Variants in MGST3 observed in about 807,000 individuals in gnomAD.
MGST3 encodes the protein microsomal glutathione S-transferase 3.
A neutral mutation model predicts 15.8 loss-of-function variants in MGST3; 13 were observed. The observed-to-expected ratio is 0.82, with a 90% CI of 0.54 to 1.31. The LOEUF is 1.31. Among genes scored for constraint, MGST3 ranks in the 50% most tolerant of loss-of-function variants. The probability of loss-of-function intolerance (pLI) is 0.00; values close to 1 mark genes in which losing one functional copy is unlikely to be tolerated. For synonymous variants in MGST3, 49 were observed against 68.1 expected, an observed-to-expected ratio of 0.72 and a Z score of 1.38; for missense variants, 155 against 192.4, an observed-to-expected ratio of 0.81 and a Z score of 1.15.
intron 1 of MGST3, among the ~76,000 whole-genome samples, chr1:165,642,063 A>C (rs1331790923): frequency 6.6e-6 from 1 of 152,026 alleles, no homozygotes; most frequent in Non-Finnish European, 1.5e-5. Context: ...TTCCCTACCC[A>C]TTTATTTTGT....
intron 1 of MGST3, among the ~76,000 whole-genome samples, chr1:165,637,955 G>A (rs931476567): frequency 3.3e-5 from 5 of 152,186 alleles, no homozygotes; most frequent in South Asian, 2.1e-4. Context: ...ACCCACGGAC[G>A]TCAGAGCCCT....
chr1:165,654,342 T>C lies in MGST3; in HGVS notation c.313T>C (p.Tyr105His). ...ACGAGTTCTTTATGCTTATGGCTAT[T>C]ACACGGGAGGTTAGTATATATTGAC... Reference protein sequence around the residue: ...VGRVLYAYGYYTGEPSKRSRG... With the variant: ...VGRVLYAYGYHTGEPSKRSRG... Residue 105 changes from tyrosine (Y) to histidine (H), a missense_variant, in exon 5 of 6, where the codon TAC becomes CAC. Coordinates refer to ENST00000367889, the MANE Select transcript of MGST3 (RefSeq NM_004528.4). 4 of 1,614,084 alleles carry C rather than the reference T, an allele frequency of 2.5e-6. No individual in the cohort carries two copies. The highest frequency in any genetic ancestry group is 3.4e-6 in the Non-Finnish European group (4 of 1,179,914).
In MGST3 at chr1:165,655,462, G is replaced by A; in HGVS notation, c.417G>A (p.Trp139Ter). The A allele has an allele frequency of 1.2e-6, 2 of 1,614,008 alleles. No homozygotes were observed. Among genetic ancestry groups the A allele is most frequent in the East Asian group, 2.2e-5 (1 of 44,878 alleles). ...TVCSAFQHLG[W>*]VKSGLGSGPK... ...GCTCTGCTTTCCAGCATCTTGGTTGGGTTAAAAGTGGCTTGGGCAGTGGAC... is the reference window on the plus strand; with the variant it reads ...GCTCTGCTTTCCAGCATCTTGGTTGAGTTAAAAGTGGCTTGGGCAGTGGAC... The change falls in exon 6 of 6, where the codon TGG becomes TGA. Residue 139 changes from tryptophan to a stop codon, truncating the protein, a stop_gained. Coordinates refer to ENST00000367889, the MANE Select transcript of MGST3 (RefSeq NM_004528.4). LOFTEE classifies it high-confidence loss of function.
chr1:165,650,382 C>A, intron 2 of MGST3: 1 of 274,042 alleles, frequency 3.6e-6, no homozygotes, highest in Non-Finnish European at 7.1e-6. Context: ...TTGAGATTAG[C>A]CTGGACTTAG....
intron 3 of MGST3, 199 bp from the exon 4 acceptor site, chr1:165,651,779 C>T: frequency 2.0e-6 from 1 of 512,720 alleles, no homozygotes; most frequent in East Asian, 3.8e-5. Flanking sequence ...CCTGTAATCC[C>T]AGCTACTCAG....
chr1:165,644,053 T>TAA (rs61624530), intron 1 of MGST3, among the ~76,000 whole-genome samples: 16,534 of 136,502 alleles, frequency 0.12, 1,436 homozygotes, highest in African/African-American at 0.24. Context: ...GACCCTGTGT[T>TAA]AAAAAAAAAA....
chr1:165,632,715 CA>C (rs1382494998), intron 1 of MGST3, among the ~76,000 whole-genome samples: 1 of 151,914 alleles, frequency 6.6e-6, no homozygotes, highest in Non-Finnish European at 1.5e-5. Context: ...GATTAAGGAA[CA>C]AAACTGGAGA....
intron 1 of MGST3, among the ~76,000 whole-genome samples, chr1:165,637,303 G>C (rs755225698): frequency 1.3e-5 from 2 of 152,178 alleles, no homozygotes; most frequent in Non-Finnish European, 2.9e-5. Flanking sequence ...ATTTATTTGG[G>C]AGCAAAGAGA....
At chr1:165,653,892 C>G in intron 4 of MGST3, 1 of 300,424 alleles carries the variant, frequency 3.3e-6, no homozygotes, top group South Asian at 3.1e-5. Flanking sequence ...TTTGAGAAAA[C>G]GGCATTTCCC....
intron 3 of MGST3, 81 bp downstream of exon 3, chr1:165,651,168 G>A: frequency 8.4e-7 from 1 of 1,184,418 alleles, no homozygotes; most frequent in Non-Finnish European, 1.3e-6. Flanking sequence ...TTAGTGCGCT[G>A]TATTTGCTGA....
chr1:165,654,128 AACTT>A, intron 4 of MGST3, 147 bp from the exon 5 acceptor site: 2 of 748,264 alleles, frequency 2.7e-6, no homozygotes, highest in South Asian at 2.9e-5. Flanking sequence ...CGCTGAAACT[AACTT>A]AATTCTACCT....
chr1:165,650,240 A>G (rs1042612753), intron 2 of MGST3: 3 of 465,504 alleles, frequency 6.4e-6, no homozygotes, highest in African/African-American at 4.0e-5. Context: ...GCTTGGAGCT[A>G]TTTGCTAGGA....
At chr1:165,650,814 G>A (rs1648531428) in intron 2 of MGST3, 200 bp from the exon 3 acceptor site, 1 of 603,632 alleles carries the variant, frequency 1.7e-6, no homozygotes, top group Non-Finnish European at 3.0e-6. Context: ...CTTATTCCTG[G>A]ATATTTAATA....
chr1:165,650,154 A>G, intron 2 of MGST3, 190 bp downstream of exon 2: 1 of 710,134 alleles, frequency 1.4e-6, no homozygotes, highest in Non-Finnish European at 2.3e-6. Flanking sequence ...CCTGCTAGGG[A>G]GTAGTTTCCA....
intron 1 of MGST3, chr1:165,649,602 G>T: frequency 2.0e-6 from 1 of 488,932 alleles, no homozygotes; most frequent in Non-Finnish European, 3.7e-6. Flanking sequence ...GCACAAAAGA[G>T]AAAAAAAGAT....
chr1:165,632,111 G>A (rs901124627), intron 1 of MGST3: 2 of 786,994 alleles, frequency 2.5e-6, no homozygotes, highest in African/African-American at 1.7e-5. Flanking sequence ...AGAGTCACGA[G>A]TTTACAAGCT....
rs1648686872 is a variant in MGST3 at position 165,655,575 on chromosome 1, T to C, written c.*71T>C. 3.8e-6 allele frequency: 6 copies of C among 1,580,262 alleles called. No homozygotes were observed. Among genetic ancestry groups the C allele is most frequent in the African/African-American group, 1.4e-5 (1 of 73,242 alleles). On this transcript the variant is annotated 3_prime_UTR_variant, in exon 6 of 6. Transcript: ENST00000367889. ...CCTTTATTTCCAGTTACATTTTTTTTCTAAATATAATAAAAACTTACCTGG... is the reference window on the plus strand; with the variant it reads ...CCTTTATTTCCAGTTACATTTTTTTCCTAAATATAATAAAAACTTACCTGG...
chr1:165,655,881 G>T lies in MGST3; in HGVS notation c.*377G>T. 4.1e-6 allele frequency: 1 copy of T among 243,980 alleles called. No individual in the cohort carries two copies. The highest frequency in any genetic ancestry group is 5.2e-5 in the Admixed American group (1 of 19,350). 15.1% of individuals were successfully genotyped at this position (243,980 alleles called of 1,614,324 possible). On this transcript the variant is annotated 3_prime_UTR_variant, in exon 6 of 6. Transcript: ENST00000367889. ...TGCTACAGATACTCCAAGGCCAAAGGAATGCTTGAGCCTAAAAGTTCAAGA... is the reference window on the plus strand; with the variant it reads ...TGCTACAGATACTCCAAGGCCAAAGTAATGCTTGAGCCTAAAAGTTCAAGA...
chr1:165,644,653 A>C (rs930159315), intron 1 of MGST3, among the ~76,000 whole-genome samples: 4 of 152,200 alleles, frequency 2.6e-5, no homozygotes, highest in African/African-American at 9.6e-5. Flanking sequence ...AGATTACTGA[A>C]GCTTTTTTAC....
Sources: gnomAD v4.1 joint callset for allele counts (sites outside exome capture counted in the v4.1 genomes callset) on GRCh38, gnomAD v4.1.1 for gene constraint, MANE v1.5 for transcripts, NCBI Gene and HGNC (gene_info 2026-07-23, HGNC 2026-07-21) for gene names.